The following KDM3B variants were observed in gnomAD, a reference collection of about 807,000 sequenced individuals.
KDM3B encodes the protein lysine demethylase 3B.
KDM3B carries 10 observed loss-of-function variants against 170.0 expected under a neutral mutation model. The observed-to-expected ratio is 0.06, with a 90% CI of 0.04 to 0.10. KDM3B has a LOEUF of 0.10. Ranked by LOEUF, KDM3B falls within the 10% of genes least tolerant of loss-of-function variation. KDM3B has a pLI of 1.00. For missense variants in KDM3B, 1,394 were observed against 2,195.2 expected, an observed-to-expected ratio of 0.64 and a Z score of 7.29; for synonymous variants, 831 against 834.8, an observed-to-expected ratio of 1.00 and a Z score of 0.08.
At chr5:138,419,533 T>C (rs540704140) in intron 14 of KDM3B, among the ~76,000 whole-genome samples, 1 of 150,726 alleles carries the variant, frequency 6.6e-6, no homozygotes, top group Admixed American at 6.6e-5. Context: ...CGGGTGCCTG[T>C]AGTCCCAGCT....
At chr5:138,387,184 G>T (rs867750421) in intron 7 of KDM3B, among the ~76,000 whole-genome samples, 30 of 152,206 alleles carry the variant, frequency 2.0e-4, no homozygotes, top group African/African-American at 5.1e-4. Flanking sequence ...AACAGTATCT[G>T]ATTTCCTTTG....
chr5:138,374,015 A>G (rs1486246880), intron 2 of KDM3B, among the ~76,000 whole-genome samples: 1 of 151,946 alleles, frequency 6.6e-6, no homozygotes, highest in Non-Finnish European at 1.5e-5. Flanking sequence ...TTTTCTTGAG[A>G]CAAAGTCTCA....
intron 5 of KDM3B, among the ~76,000 whole-genome samples, chr5:138,380,081 G>A (rs1003808863): frequency 6.6e-6 from 1 of 151,964 alleles, no homozygotes; most frequent in African/African-American, 2.4e-5. Flanking sequence ...TTTGCCTCTC[G>A]GGCTCAAGCA....
rs1365096541 is a variant in KDM3B, at chr5:138,415,070, T to C, written c.3200-62T>C. 81 of 1,161,894 alleles carry C rather than the reference T, an allele frequency of 7.0e-5. No individual in the cohort carries two copies. The Admixed American group carries it at 1.6e-3, about 22-fold the overall frequency. 72.0% of individuals were successfully genotyped at this position (1,161,894 alleles called of 1,614,324 possible). A position where few individuals can be genotyped will look rare whatever the true frequency, so the allele number is the denominator to read the frequency against. ...TGGCCTTTGGGGTTCTGAAACTCCA[T>C]TCACTGAGAAGGATCCATTTTTGTG... On this transcript the variant is annotated intron_variant, in intron 11 of 23. Transcript: ENST00000314358.
intron 6 of KDM3B, among the ~76,000 whole-genome samples, chr5:138,385,188 A>AT (rs533638823): frequency 1.0e-3 from 156 of 151,720 alleles, no homozygotes; most frequent in African/African-American, 3.6e-3. Context: ...TGCCTGGCTG[A>AT]TTTTGTATTT....
intron 11 of KDM3B, among the ~76,000 whole-genome samples, chr5:138,413,244 A>G (rs1305572913): frequency 6.6e-6 from 1 of 152,070 alleles, no homozygotes; most frequent in East Asian, 1.9e-4. Flanking sequence ...TTAGTTGGGC[A>G]TAGTGGCACG....
intron 1 of KDM3B, among the ~76,000 whole-genome samples, chr5:138,353,464 G>A (rs1419250510): frequency 1.3e-5 from 2 of 152,212 alleles, no homozygotes; most frequent in Non-Finnish European, 2.9e-5. Flanking sequence ...TGGGAGGCAC[G>A]GAGGCTGCAG....
Position 138,417,176 on chromosome 5 carries a change from T to C in KDM3B, c.3308-307T>C, listed in dbSNP as rs1763127069. ...TACCCCTAGAGTTTCTCCTGGAGGATACCGTGTTAATGTTTACTAGAAGAG... is the reference window on the plus strand; with the variant it reads ...TACCCCTAGAGTTTCTCCTGGAGGACACCGTGTTAATGTTTACTAGAAGAG... On this transcript the variant is annotated intron_variant, in intron 12 of 23. Transcript: ENST00000314358. Among the ~76,000 whole-genome samples, 2 of 152,202 alleles carry C rather than the reference T, an allele frequency of 1.3e-5. 1 individual carries two copies. The highest frequency in any genetic ancestry group is 4.1e-4 in the South Asian group (2 of 4,834).
At chr5:138,360,190 G>C (rs1761560606) in intron 1 of KDM3B, among the ~76,000 whole-genome samples, 1 of 152,108 alleles carries the variant, frequency 6.6e-6, no homozygotes, top group Non-Finnish European at 1.5e-5. Context: ...AGTTGAAATG[G>C]GAGTTTGTGG....
At chr5:138,392,344 C>G (rs1419478290) in intron 8 of KDM3B, 83 bp downstream of exon 8, 39 of 1,326,318 alleles carry the variant, frequency 2.9e-5, no homozygotes, top group Non-Finnish European at 3.6e-5. Flanking sequence ...CAGAGGCACT[C>G]ACTTTGATGG....
chr5:138,430,173 C>A, intron 21 of KDM3B, 76 bp from the exon 22 acceptor site: 2 of 1,514,912 alleles, frequency 1.3e-6, no homozygotes, highest in Non-Finnish European at 9.0e-7. Context: ...CATCTTAGGA[C>A]ATTGCTGCAG....
At chr5:138,353,322 C>T (rs1053116346) in intron 1 of KDM3B, among the ~76,000 whole-genome samples, 5 of 152,210 alleles carry the variant, frequency 3.3e-5, no homozygotes, top group African/African-American at 1.2e-4. Context: ...CTCCCGGGAG[C>T]CTCAGAGTTC....
intron 1 of KDM3B, among the ~76,000 whole-genome samples, chr5:138,368,603 G>A (rs995495768): frequency 5.9e-5 from 9 of 152,110 alleles, no homozygotes; most frequent in African/African-American, 9.7e-5. Flanking sequence ...AGGAAGCGAA[G>A]TACAGTCCTG....
At chr5:138,434,547 CAA>C (rs747418307) in intron 23 of KDM3B, among the ~76,000 whole-genome samples, 72 of 92,710 alleles carry the variant, frequency 7.8e-4, no homozygotes, top group African/African-American at 1.6e-3. Context: ...GACTCCATCT[CAA>C]AAAAAAAAAA....
rs1762077994 is a variant in KDM3B, at chr5:138,379,591, C to T, written c.588C>T (p.Tyr196=). 1.9e-6 allele frequency: 3 copies of T among 1,613,064 alleles called. No homozygotes were observed. Among genetic ancestry groups the T allele is most frequent in the Non-Finnish European group, 1.7e-6 (2 of 1,179,490 alleles). ...GACTGATCTCCCTTTTAGGTCCCTA[C>T]AGTGTTCAAGGTCACAGGGTCAAAA... ...KLQEIFSRGP[Y]SVQGHRVKIY... Residue 196 remains tyrosine (Y), a synonymous_variant, in exon 5 of 24, where the codon TAC becomes TAT. Coordinates refer to ENST00000314358, the MANE Select transcript of KDM3B (RefSeq NM_016604.4).
Position 138,391,000 on chromosome 5 carries a change from A to C in KDM3B, c.1381-13A>C, listed in dbSNP as rs556296786. The C allele has an allele frequency of 2.0e-6, 3 of 1,534,818 alleles. No homozygotes were observed. The highest frequency in any genetic ancestry group is 2.8e-5 in the African/African-American group (2 of 72,138). On this transcript the variant is annotated splice_polypyrimidine_tract_variant and intron_variant, in intron 7 of 23. Transcript: ENST00000314358. ...GAAGCCAGCATCACTAATTCAGGCT[A>C]TCTTCCTTTCAGAATTCAAGAAATT...
At position 138,435,748 on chromosome 5, in the gene KDM3B, A is replaced by C; in HGVS notation, c.*48A>C. 1 of 1,417,992 alleles carries C rather than the reference A, an allele frequency of 7.1e-7. No individual in the cohort carries two copies. The highest frequency in any genetic ancestry group is 9.9e-7 in the Non-Finnish European group (1 of 1,011,896). 87.8% of individuals were successfully genotyped at this position (1,417,992 alleles called of 1,614,324 possible). On this transcript the variant is annotated 3_prime_UTR_variant, in exon 24 of 24. Transcript: ENST00000314358. ...TCTGTGAAGCAGGTCTTTCACTCAC[A>C]ACACTTAACAGGGAACGGCAGGGCT...
chr5:138,391,143 G>T lies in KDM3B; in HGVS notation c.1511G>T (p.Gly504Val). The stretch of plus-strand genomic sequence containing the variant: ...CTAGCCACAGAGAACAAACCTTTGG[G>T]CTTCTCTTTTGGCTGTAGCTCTGCA... Reference protein sequence around the residue: ...GVLATENKPLGFSFGCSSAQE... With the variant: ...GVLATENKPLVFSFGCSSAQE... The change falls in exon 8 of 24, where the codon GGC (glycine) becomes GTC (valine). Residue 504 changes from glycine to valine, a missense_variant. Coordinates refer to ENST00000314358, the MANE Select transcript of KDM3B (RefSeq NM_016604.4). This position sits in a 1 kb window ranked among gnomAD's most constrained non-coding sequence, Gnocchi z 5.0. 6.2e-7 allele frequency: 1 copy of T among 1,614,134 alleles called. No individual in the cohort carries two copies.
intron 11 of KDM3B, among the ~76,000 whole-genome samples, chr5:138,404,554 GA>G (rs1211115630): frequency 6.6e-6 from 1 of 151,598 alleles, no homozygotes; most frequent in Non-Finnish European, 1.5e-5. Flanking sequence ...TTGAACCTGG[GA>G]AGCCAAGGTT....
Sources: gnomAD v4.1 joint callset for allele counts (sites outside exome capture counted in the v4.1 genomes callset) on GRCh38, gnomAD v4.1.1 for gene constraint, Gnocchi (gnomAD v3.1) non-coding constraint, MANE v1.5 for transcripts, NCBI Gene and HGNC (gene_info 2026-07-23, HGNC 2026-07-21) for gene names.